The following ISM1 variants were observed in gnomAD, a reference collection of about 807,000 sequenced individuals.
The protein encoded by ISM1 is isthmin-1.
Under a neutral mutation model 46.3 loss-of-function variants are expected in ISM1, and 25 were observed. That is an observed-to-expected ratio of 0.54 (90% confidence interval 0.39 to 0.75). ISM1 has a LOEUF of 0.75. Among genes scored for constraint, ISM1 ranks in the 30% least tolerant of loss-of-function variants. The probability of loss-of-function intolerance (pLI) is 0.00; values close to 1 mark genes in which losing one functional copy is unlikely to be tolerated. For synonymous variants in ISM1, 255 were observed against 256.7 expected, an observed-to-expected ratio of 0.99 and a Z score of 0.06; for missense variants, 536 against 625.4, an observed-to-expected ratio of 0.86 and a Z score of 1.52.
At chr20:13,267,941 C>T (rs950901414) in intron 1 of ISM1, among the ~76,000 whole-genome samples, 1 of 152,196 alleles carries the variant, frequency 6.6e-6, no homozygotes, top group Non-Finnish European at 1.5e-5. Flanking sequence ...AAATCCTGCA[C>T]AAGAAATTCT....
At chr20:13,278,369 G>A (rs2040203538) in intron 2 of ISM1, among the ~76,000 whole-genome samples, 2 of 152,178 alleles carry the variant, frequency 1.3e-5, no homozygotes, top group African/African-American at 4.8e-5. Flanking sequence ...GAGCCATGGG[G>A]TGAGTGAAAA....
chr20:13,299,452 A>T lies in ISM1; in HGVS notation c.1388A>T (p.Glu463Val), dbSNP rs1449377434. ...DYIKQFQEAR[E>V]Y The stretch of plus-strand genomic sequence containing the variant: ...ATCAAGCAGTTCCAAGAGGCCAGGG[A>T]ATATTAAAGAGACTGGGATGAGGTG... Residue 463 changes from glutamate to valine, a missense_variant, in exon 6 of 6, where the codon GAA becomes GTA. Physicochemically the swap from Glu to Val is moderately radical, Grantham distance 121 (BLOSUM62 -2). Transcript: ENST00000262487. This position sits in a 1 kb window ranked among gnomAD's most constrained non-coding sequence, Gnocchi z 5.8. 6.3e-7 allele frequency: 1 copy of T among 1,595,286 alleles called. No homozygotes were observed.
At position 13,299,799 on chromosome 20, in the gene ISM1, G is replaced by T; in HGVS notation, c.*340G>T. The stretch of plus-strand genomic sequence containing the variant: ...TCCAGAGTTTCAAAGAGAGGCAAAG[G>T]GGGAAAGAGACTGAGGTTGTAAACG... On this transcript the variant is annotated 3_prime_UTR_variant, in exon 6 of 6. Transcript: ENST00000262487. The surrounding 1 kb of genome is among the most constrained non-coding windows in gnomAD (Gnocchi z 5.8). The T allele has an allele frequency of 4.3e-6, 1 of 234,804 alleles. No individual in the cohort carries two copies. Among genetic ancestry groups the T allele is most frequent in the Non-Finnish European group, 8.4e-6 (1 of 118,694 alleles). 14.5% of individuals were successfully genotyped at this position (234,804 alleles called of 1,614,324 possible).
chr20:13,232,608 G>A (rs1351456636), intron 1 of ISM1, among the ~76,000 whole-genome samples: 1 of 152,218 alleles, frequency 6.6e-6, no homozygotes, highest in Non-Finnish European at 1.5e-5. Flanking sequence ...AAGCCTTTGT[G>A]TGAACATTTG....
Position 13,270,725 on chromosome 20 carries a change from G to A in ISM1, c.360G>A (p.Gly120=). 6.2e-7 allele frequency: 1 copy of A among 1,613,728 alleles called. No individual in the cohort carries two copies. The highest frequency in any genetic ancestry group is 8.5e-7 in the Non-Finnish European group (1 of 1,179,760). ...FPDLSKADIN[G]QNPNIQVTIE... is the part of the protein sequence containing the mutation. ...ATCTTTCCAAAGCTGATATCAATGG[G>A]CAGAATCCAAATATCCAGGTAATTC... The change falls in exon 2 of 6, where the codon GGG becomes GGA. Residue 120 remains glycine (G), a synonymous_variant. Transcript: ENST00000262487.
At chr20:13,263,399 A>G (rs2040009438) in intron 1 of ISM1, among the ~76,000 whole-genome samples, 1 of 152,034 alleles carries the variant, frequency 6.6e-6, no homozygotes, top group African/African-American at 2.4e-5. Flanking sequence ...AGCACTAAGA[A>G]CAAGTGTGCC....
chr20:13,299,246 C>T lies in ISM1; in HGVS notation c.1182C>T (p.Ile394=), dbSNP rs771478952. 3.7e-6 allele frequency: 6 copies of T among 1,604,116 alleles called. No individual in the cohort carries two copies. In the East Asian group the frequency reaches 1.1e-4, roughly 30 times the overall value. ...HCCYGDNMQL[I]TRGKGAGTPN... is the part of the protein sequence containing the mutation. ...GCTACGGCGACAACATGCAGCTCATCACCAGGGGCAAGGGGGCGGGCACGC... is the reference window on the plus strand; with the variant it reads ...GCTACGGCGACAACATGCAGCTCATTACCAGGGGCAAGGGGGCGGGCACGC... Residue 394 remains isoleucine (I), a synonymous_variant, in exon 6 of 6, where the codon ATC becomes ATT. Coordinates refer to ENST00000262487, the MANE Select transcript of ISM1 (RefSeq NM_080826.2). The surrounding 1 kb of genome is among the most constrained non-coding windows in gnomAD (Gnocchi z 5.8).
the ISM1 span, among the ~76,000 whole-genome samples, chr20:13,310,028 C>T: frequency 1.3e-5 from 2 of 152,106 alleles, no homozygotes; most frequent in South Asian, 2.1e-4. Flanking sequence ...AAGCAATCTA[C>T]AAATTCGATG....
intron 1 of ISM1, among the ~76,000 whole-genome samples, chr20:13,258,515 A>T (rs2039952311): frequency 6.6e-6 from 1 of 152,184 alleles, no homozygotes; most frequent in African/African-American, 2.4e-5. Context: ...GCTCAGACTC[A>T]AACTGATACA....
At chr20:13,314,567 A>T in the ISM1 span, among the ~76,000 whole-genome samples, 1 of 152,132 alleles carries the variant, frequency 6.6e-6, no homozygotes, top group Non-Finnish European at 1.5e-5. Context: ...ACCTTTTCTC[A>T]GACAAACAAA....
intron 1 of ISM1, among the ~76,000 whole-genome samples, chr20:13,226,223 G>A (rs1217032775): frequency 6.6e-6 from 1 of 151,924 alleles, no homozygotes; most frequent in Non-Finnish European, 1.5e-5. Flanking sequence ...TCCCTTTATT[G>A]CCTTCAGTAA....
intron 3 of ISM1, among the ~76,000 whole-genome samples, chr20:13,286,336 A>G (rs1430844373): frequency 9.4e-6 from 1 of 106,016 alleles, no homozygotes; most frequent in Admixed American, 9.2e-5. Flanking sequence ...GGGAGCAGCG[A>G]CTGCTCCTAC....
chr20:13,225,070 G>T (rs868481305), intron 1 of ISM1, among the ~76,000 whole-genome samples: 16 of 150,778 alleles, frequency 1.1e-4, no homozygotes, highest in African/African-American at 3.7e-4. Flanking sequence ...AGCCAGGATG[G>T]TCTCACTCTC....
At chr20:13,253,727 A>C (rs1224459642) in intron 1 of ISM1, among the ~76,000 whole-genome samples, 1 of 152,144 alleles carries the variant, frequency 6.6e-6, no homozygotes, top group Non-Finnish European at 1.5e-5. Flanking sequence ...CATTTTGAGA[A>C]CACATGAATT....
intron 3 of ISM1, among the ~76,000 whole-genome samples, chr20:13,288,230 G>A (rs2040314475): frequency 1.3e-5 from 2 of 152,190 alleles, no homozygotes; most frequent in Non-Finnish European, 2.9e-5. Flanking sequence ...ACTGAGGGTG[G>A]TTACCTTTGG....
intron 2 of ISM1, among the ~76,000 whole-genome samples, chr20:13,272,450 C>T (rs1337193935): frequency 1.3e-5 from 2 of 152,160 alleles, no homozygotes; most frequent in East Asian, 3.8e-4. Flanking sequence ...GTGTGAAGAT[C>T]CCAGCTACCA....
intron 4 of ISM1, among the ~76,000 whole-genome samples, chr20:13,291,948 A>G (rs977425011): frequency 2.6e-5 from 4 of 152,224 alleles, no homozygotes; most frequent in Admixed American, 2.6e-4. Flanking sequence ...GAGGCACACA[A>G]AAGTTCACTG....
chr20:13,289,181 C>T (rs974981260), intron 4 of ISM1, among the ~76,000 whole-genome samples: 3 of 152,160 alleles, frequency 2.0e-5, no homozygotes, highest in African/African-American at 7.2e-5. Context: ...TGGCCGTGAC[C>T]TAAAAGACAA....
chr20:13,285,711 G>C (rs1053433199), intron 3 of ISM1, among the ~76,000 whole-genome samples: 2 of 152,152 alleles, frequency 1.3e-5, no homozygotes, highest in Admixed American at 1.3e-4. Context: ...TTGGAAAGAG[G>C]AATTATGGGC....
Sources: allele counts gnomAD v4.1 joint callset (sites outside exome capture counted in the v4.1 genomes callset), GRCh38; gene constraint gnomAD v4.1.1; non-coding constraint Gnocchi (gnomAD v3.1); transcripts MANE v1.5; gene names NCBI Gene and HGNC (gene_info 2026-07-23, HGNC 2026-07-21).